Variants in TAB2 observed in about 807,000 individuals in gnomAD.
TAB2 encodes the protein TGF-beta-activated kinase 1 and MAP3K7-binding protein 2.
A neutral mutation model predicts 65.0 loss-of-function variants in TAB2; 3 were observed. The observed-to-expected ratio is 0.05, with a 90% confidence interval of 0.02 to 0.12. The LOEUF (loss-of-function observed/expected upper bound fraction) is 0.12. TAB2 is among the 10% of genes least tolerant of loss of function. The probability of loss-of-function intolerance (pLI) is 1.00; values close to 1 mark genes in which losing one functional copy is unlikely to be tolerated. For missense variants in TAB2, 623 were observed against 840.3 expected (o/e 0.74, Z 3.20); for synonymous variants, 298 against 285.1 (o/e 1.05, Z -0.46).
intron 6 of TAB2, among the ~76,000 whole-genome samples, chr6:149,407,198 G>GT (rs1782694553): frequency 6.6e-6 from 1 of 152,248 alleles, no homozygotes; most frequent in African/African-American, 2.4e-5. Context: ...GAATAAAGCA[G>GT]TAGAGATGAC....
chr6:149,283,511 A>G (rs1261851054), intron 1 of TAB2, among the ~76,000 whole-genome samples: 1 of 152,076 alleles, frequency 6.6e-6, no homozygotes, highest in Non-Finnish European at 1.5e-5. Flanking sequence ...GGAGTTGGAG[A>G]CCAGCCTGGC....
chr6:149,363,274 G>A (rs1195325267), intron 1 of TAB2, among the ~76,000 whole-genome samples: 1 of 151,944 alleles, frequency 6.6e-6, no homozygotes, highest in African/African-American at 2.4e-5. Context: ...CTCATAAATG[G>A]CACTAAACCA....
chr6:149,238,059 G>T (rs1011311165), intron 1 of TAB2, among the ~76,000 whole-genome samples: 4 of 152,048 alleles, frequency 2.6e-5, no homozygotes, highest in South Asian at 2.1e-4. Context: ...ACCTACTTAT[G>T]TTTGCCTGGC....
rs73602092 is a variant in TAB2, at chr6:149,226,156, G to A, written c.-121+7380G>A. 5.4e-3 allele frequency among the ~76,000 whole-genome samples: 829 copies of A among 152,138 alleles called. 10 individuals are homozygous for A. Among genetic ancestry groups the A allele is most frequent in the African/African-American group, 0.019 (808 of 41,506 alleles). ...CAGTGAGAATGAATGAGAGGATCCC[G>A]CTCCCTAGCCATCCAGGGTGGAGAC... On this transcript the variant is annotated intron_variant, in intron 1 of 1. Transcript: ENST00000606202.
At chr6:149,270,334 C>G (rs1457594297) in intron 1 of TAB2, among the ~76,000 whole-genome samples, 1 of 152,120 alleles carries the variant, frequency 6.6e-6, no homozygotes, top group East Asian at 1.9e-4. Flanking sequence ...TACACTAGTT[C>G]TTTATCAGAT....
At chr6:149,303,329 T>TTTTTTCC (rs1779001854) in intron 1 of TAB2, among the ~76,000 whole-genome samples, 1 of 152,234 alleles carries the variant, frequency 6.6e-6, no homozygotes, top group South Asian at 2.1e-4. Context: ...AAAAACTGTC[T>TTTTTTCC]TCCACAAAAC....
At chr6:149,358,222 T>C (rs2114825385) in intron 1 of TAB2, among the ~76,000 whole-genome samples, 1 of 152,322 alleles carries the variant, frequency 6.6e-6, no homozygotes. Flanking sequence ...ATATGTATAA[T>C]ATCTTCAGGA....
Position 149,399,009 on chromosome 6 carries a change from T to C in TAB2, c.1859-95T>C, listed in dbSNP as rs187185793. The C allele has an allele frequency of 8.5e-4, 875 of 1,035,262 alleles. 7 individuals are homozygous for C. Among genetic ancestry groups the C allele is most frequent in the Non-Finnish European group, 5.7e-5 (39 of 680,020 alleles). The allele number at this position is 1,035,262 out of a possible 1,614,324, so 64.1% of individuals were successfully genotyped here. A position where few individuals can be genotyped will look rare whatever the true frequency, so the allele number is the denominator to read the frequency against. On this transcript the variant is annotated intron_variant, in intron 5 of 6. Transcript: ENST00000637181. ...CAAAATAAATGAAAAGCATTTCTTA[T>C]AGCGTGTTTATTTTTAGAAAGAAAT... is the stretch of plus-strand genomic sequence containing the variant.
chr6:149,366,615 A>T (rs1781047880), intron 1 of TAB2, among the ~76,000 whole-genome samples: 2 of 151,860 alleles, frequency 1.3e-5, no homozygotes, highest in South Asian at 2.1e-4. Context: ...CCAAGTGCTG[A>T]CCCCTTTTTC....
At position 149,324,713 on chromosome 6, in the gene TAB2, G is replaced by A. The variant is rs116447079; in HGVS notation, c.-90+6698G>A. ...TGACCTTGCAGAACATTGTCCTCAG[G>A]CCAAGCAACTTTTGTTTAGTCAGAG... On this transcript the variant is annotated intron_variant, in intron 1 of 6. Transcript: ENST00000637181. Among the ~76,000 whole-genome samples, 929 of 152,156 alleles carry A rather than the reference G, an allele frequency of 6.1e-3. 11 individuals are homozygous for A. The highest frequency in any genetic ancestry group is 0.02 in the African/African-American group (846 of 41,490).
At chr6:149,258,203 C>A (rs1250385741) in intron 1 of TAB2, among the ~76,000 whole-genome samples, 4 of 152,102 alleles carry the variant, frequency 2.6e-5, no homozygotes, top group Non-Finnish European at 5.9e-5. Flanking sequence ...TGAGTCTCTA[C>A]TCTAGTGGTG....
intron 1 of TAB2, among the ~76,000 whole-genome samples, chr6:149,224,464 A>G (rs1029115993): frequency 1.3e-4 from 20 of 152,204 alleles, no homozygotes; most frequent in African/African-American, 4.8e-4. Context: ...AAATGCTGAC[A>G]TGTATATCAC....
chr6:149,401,552 A>T (rs1782412568), intron 6 of TAB2, among the ~76,000 whole-genome samples: 1 of 152,202 alleles, frequency 6.6e-6, no homozygotes, highest in Admixed American at 6.5e-5. Flanking sequence ...CTACATTAAT[A>T]TGTAAAGCAA....
intron 3 of TAB2, among the ~76,000 whole-genome samples, chr6:149,386,331 T>C (rs59001092): frequency 0.012 from 1,792 of 152,322 alleles, 31 homozygotes; most frequent in African/African-American, 0.041. Context: ...AGTTGACTTA[T>C]AGTATACATC....
Position 149,357,799 on chromosome 6 carries a change from A to G in TAB2, c.-89-12110A>G, listed in dbSNP as rs551428627. Among the ~76,000 whole-genome samples, 340 of 151,974 alleles carry G rather than the reference A, an allele frequency of 2.2e-3. 3 individuals carry two copies. The highest frequency in any genetic ancestry group is 0.01 in the Middle Eastern group (3 of 294). On this transcript the variant is annotated intron_variant, in intron 1 of 6. Transcript: ENST00000637181. ...ACTGCAACCTCCATCTCCCAGGTTC[A>G]AGCGATTCTCCTGTCTCAGCCTCCC...
At chr6:149,275,170 G>A (rs1778435655) in intron 1 of TAB2, among the ~76,000 whole-genome samples, 2 of 122,428 alleles carry the variant, frequency 1.6e-5, no homozygotes, top group Non-Finnish European at 3.2e-5. Flanking sequence ...CTATTGCCCA[G>A]ACTAGAGTGC....
At chr6:149,253,998 GAAAGAA>G (rs1334951949) in intron 1 of TAB2, among the ~76,000 whole-genome samples, 1 of 140,380 alleles carries the variant, frequency 7.1e-6, no homozygotes, top group Non-Finnish European at 1.5e-5. Context: ...AAGAAAGAAA[GAAAGAA>G]AGAAAGAAAG....
intron 1 of TAB2, among the ~76,000 whole-genome samples, chr6:149,228,254 T>C (rs984101449): frequency 1.3e-5 from 2 of 152,234 alleles, no homozygotes; most frequent in African/African-American, 4.8e-5. Context: ...CCATGACCAT[T>C]TGAATTACAA....
chr6:149,377,814 TAGTC>T lies in TAB2; in HGVS notation c.103-201_103-198del, dbSNP rs34077248. Among the ~76,000 whole-genome samples, 35,619 of 152,048 alleles carry T rather than the reference TAGTC, an allele frequency of 0.23. 4,358 individuals are homozygous for T. Among genetic ancestry groups the T allele is most frequent in the Non-Finnish European group, 0.26 (17,489 of 67,952 alleles). On this transcript the variant is annotated intron_variant, in intron 2 of 6. Transcript: ENST00000637181. ...GGAACAATGATTTGATTCACTTTGT[TAGTC>T]AGAGAGAGCTTTTCCATTACATTAG...
Sources: allele counts gnomAD v4.1 joint callset (sites outside exome capture counted in the v4.1 genomes callset), GRCh38; gene constraint gnomAD v4.1.1; transcripts MANE v1.5; gene names NCBI Gene and HGNC (gene_info 2026-07-23, HGNC 2026-07-21).